The following STK3 variants were observed in gnomAD, a reference collection of about 807,000 sequenced individuals.
STK3 encodes the protein serine/threonine-protein kinase 3.
STK3 carries 41 observed loss-of-function variants against 58.0 expected under a neutral mutation model. That is an observed-to-expected ratio of 0.71 (90% CI 0.55 to 0.92). The LOEUF (loss-of-function observed/expected upper bound fraction) is 0.92. Among genes scored for constraint, STK3 ranks in the 40% least tolerant of loss-of-function variants. The probability of loss-of-function intolerance (pLI) is 0.00; values close to 1 mark genes in which losing one functional copy is unlikely to be tolerated. For synonymous variants in STK3, 170 were observed against 191.0 expected, an observed-to-expected ratio of 0.89 and a Z score of 0.91; for missense variants, 479 against 602.7, an observed-to-expected ratio of 0.79 and a Z score of 2.15.
At chr8:98,921,820 C>A (rs372727777) in intron 1 of STK3, among the ~76,000 whole-genome samples, 2 of 152,176 alleles carry the variant, frequency 1.3e-5, no homozygotes, top group African/African-American at 4.8e-5. Flanking sequence ...GCCTCCCAAG[C>A]ACCTGGGACT....
intron 9 of STK3, among the ~76,000 whole-genome samples, chr8:98,532,069 C>A (rs1826204815): frequency 6.6e-6 from 1 of 152,208 alleles, no homozygotes; most frequent in African/African-American, 2.4e-5. Flanking sequence ...TGGAGTAGAA[C>A]TTTTAATTTC....
intron 4 of STK3, among the ~76,000 whole-genome samples, chr8:98,725,255 T>C (rs1827717351): frequency 6.6e-6 from 1 of 152,174 alleles, no homozygotes; most frequent in Non-Finnish European, 1.5e-5. Context: ...ATTAATCCCT[T>C]GTGTAAAACA....
intron 1 of STK3, among the ~76,000 whole-genome samples, chr8:98,385,615 C>G (rs1030729525): frequency 3.3e-5 from 5 of 152,116 alleles, no homozygotes; most frequent in African/African-American, 1.2e-4. Flanking sequence ...GAACCTGACT[C>G]CCCTTCGCAG....
In STK3 at chr8:98,749,937, G is replaced by A. The variant is rs554771505; in HGVS notation, c.237-547C>T. Among the ~76,000 whole-genome samples the A allele has an allele frequency of 5.3e-5, 8 of 152,150 alleles. No individual in the cohort carries two copies. In the East Asian group the frequency reaches 1.3e-3, roughly 26 times the overall value. On this transcript the variant is annotated intron_variant, in intron 3 of 10. Coordinates refer to ENST00000419617, the MANE Select transcript of STK3 (RefSeq NM_006281.4). ...CTGAGGTCTTACGTCTTCCAGAGCA[G>A]AATAAACTATGTTTATAGCCAAGCT...
intron 3 of STK3, among the ~76,000 whole-genome samples, chr8:98,406,401 G>A (rs2131033460): frequency 6.6e-6 from 1 of 152,214 alleles, no homozygotes; most frequent in East Asian, 1.9e-4. Flanking sequence ...CCATCACCCA[G>A]GTAGTGAGCA....
At chr8:98,448,851 C>G (rs1432274891) in intron 1 of STK3, among the ~76,000 whole-genome samples, 1 of 152,100 alleles carries the variant, frequency 6.6e-6, no homozygotes, top group Non-Finnish European at 1.5e-5. Flanking sequence ...TTTCTTTGCT[C>G]TCATCTTTTT....
Position 98,825,532 on chromosome 8 carries a change from C to T in STK3, c.9G>A (p.Gln3=). 1 of 1,458,072 alleles carries T rather than the reference C, an allele frequency of 6.9e-7. No homozygotes were observed. The highest frequency in any genetic ancestry group is 9.1e-7 in the Non-Finnish European group (1 of 1,099,978). The allele number at this position is 1,458,072 out of a possible 1,614,324, so 90.3% of individuals were successfully genotyped here. ME[Q]PPAPKSKLKK... ...TTCGTTACCTCTTAGGCGCCGGCGGCTGCTCCATGGCGGCCGGGGACAGAG... is the reference window on the plus strand; with the variant it reads ...TTCGTTACCTCTTAGGCGCCGGCGGTTGCTCCATGGCGGCCGGGGACAGAG... The change falls in exon 1 of 11, where the codon CAG becomes CAA. Residue 3 remains glutamine, a synonymous_variant. Transcript: ENST00000419617.
At chr8:98,510,217 C>T (rs763116924) in intron 10 of STK3, among the ~76,000 whole-genome samples, 3 of 152,042 alleles carry the variant, frequency 2.0e-5, no homozygotes, top group Non-Finnish European at 4.4e-5. Context: ...TTTTGTTATG[C>T]TGCTATTAAG....
intron 3 of STK3, among the ~76,000 whole-genome samples, chr8:98,759,045 G>A (rs1379680372): frequency 1.3e-5 from 2 of 152,210 alleles, no homozygotes; most frequent in Non-Finnish European, 2.9e-5. Context: ...TATCAGCAAT[G>A]AGGCTCTTCC....
chr8:98,400,815 C>T (rs1156726323), downstream of STK3, among the ~76,000 whole-genome samples: 1 of 152,038 alleles, frequency 6.6e-6, no homozygotes, highest in Non-Finnish European at 1.5e-5. Flanking sequence ...CTGATTGTAA[C>T]TCAGATATCA....
the STK3 span, among the ~76,000 whole-genome samples, chr8:98,357,082 T>C: frequency 2.6e-5 from 4 of 152,294 alleles, no homozygotes; most frequent in East Asian, 5.8e-4. Context: ...GGAAAGAGTC[T>C]TTGTGCTTTT....
At chr8:98,794,384 T>C (rs1218774512) in intron 1 of STK3, among the ~76,000 whole-genome samples, 4 of 152,192 alleles carry the variant, frequency 2.6e-5, no homozygotes, top group African/African-American at 9.7e-5. Context: ...GGGACAATTA[T>C]GAACACTCCT....
Position 98,841,583 on chromosome 8 carries a change from T to C in STK3, c.110+42064A>G, listed in dbSNP as rs1216809690. ...GCTCATGCCTGTAACCCCATGGCTTTGGGAGGCTGAAGTGAGAGGATTGTT... is the reference window on the plus strand; with the variant it reads ...GCTCATGCCTGTAACCCCATGGCTTCGGGAGGCTGAAGTGAGAGGATTGTT... On this transcript the variant is annotated intron_variant, in intron 3 of 12. Coordinates refer to the STK3 transcript ENST00000523601. Among the ~76,000 whole-genome samples the C allele has an allele frequency of 2.7e-5, 4 of 148,522 alleles. No homozygotes were observed. In the South Asian group the frequency reaches 8.4e-4, roughly 31 times the overall value.
intron 3 of STK3, among the ~76,000 whole-genome samples, chr8:98,831,149 T>C (rs1264130847): frequency 6.6e-6 from 1 of 152,148 alleles, no homozygotes; most frequent in Admixed American, 6.5e-5. Flanking sequence ...CCAGTGCCTT[T>C]GAATAACAAA....
intron 3 of STK3, among the ~76,000 whole-genome samples, chr8:98,419,345 A>G (rs927050233): frequency 7.9e-5 from 12 of 151,840 alleles, no homozygotes; most frequent in Non-Finnish European, 1.6e-4. Flanking sequence ...TGGGCAACAG[A>G]GCGAGACTCC....
At chr8:98,705,781 T>C (rs976950265) in intron 6 of STK3, among the ~76,000 whole-genome samples, 3 of 152,162 alleles carry the variant, frequency 2.0e-5, no homozygotes, top group Non-Finnish European at 4.4e-5. Context: ...ATGATGAACT[T>C]ATCTATATGA....
downstream of STK3, chr8:98,879,395 T>A (rs1447975964): frequency 3.9e-5 from 6 of 152,334 alleles, no homozygotes; most frequent in African/African-American, 1.4e-4. Flanking sequence ...CGGTTGTTAC[T>A]CTTTCACTTC....
At chr8:98,684,846 G>A (rs1355359998) in intron 6 of STK3, among the ~76,000 whole-genome samples, 1 of 152,070 alleles carries the variant, frequency 6.6e-6, no homozygotes, top group Non-Finnish European at 1.5e-5. Context: ...TAATGGATTT[G>A]GACCACACAT....
At chr8:98,419,573 C>A (rs1416380713) in intron 3 of STK3, among the ~76,000 whole-genome samples, 4 of 152,154 alleles carry the variant, frequency 2.6e-5, no homozygotes, top group Admixed American at 6.5e-5. Flanking sequence ...TCCTAGAGAG[C>A]CTGGGCATCC....
Sources: allele counts gnomAD v4.1 joint callset (sites outside exome capture counted in the v4.1 genomes callset), GRCh38; gene constraint gnomAD v4.1.1; transcripts MANE v1.5; gene names NCBI Gene and HGNC (gene_info 2026-07-23, HGNC 2026-07-21).